TIGD6: variants seen among roughly 807,000 people sequenced by gnomAD.
TIGD6 encodes the protein tigger transposable element-derived protein 6.
A neutral mutation model predicts 2.6 loss-of-function variants in TIGD6; 1 was observed. The observed-to-expected ratio is 0.39, with a 90% confidence interval of 0.14 to 1.85. TIGD6 has a LOEUF of 1.85. TIGD6 is among the 40% of genes most tolerant of loss of function. The pLI, the probability that TIGD6 is intolerant of heterozygous loss-of-function variation, is 0.32. For synonymous variants in TIGD6, 193 were observed against 221.9 expected (o/e 0.87, Z 1.16); for missense variants, 601 against 634.2 (o/e 0.95, Z 0.56).
chr5:149,999,224 A>G (rs983522861), intron 1 of TIGD6, among the ~76,000 whole-genome samples: 4 of 152,172 alleles, frequency 2.6e-5, no homozygotes, highest in Non-Finnish European at 4.4e-5. Context: ...CAGATTTACA[A>G]TATAGTCTTT....
chr5:149,994,693 A>G lies in TIGD6; in HGVS notation c.*90T>C. On this transcript the variant is annotated 3_prime_UTR_variant, in exon 2 of 2. Transcript: ENST00000296736. ...TTTCAGAGTACTGGAATGTTGTCAC[A>G]ATAACATTGCTTTACTTAAATTGGC... The G allele has an allele frequency of 7.8e-7, 1 of 1,280,274 alleles. No individual in the cohort carries two copies. Among genetic ancestry groups the G allele is most frequent in the Non-Finnish European group, 1.1e-6 (1 of 951,404 alleles). The allele number at this position is 1,280,274 out of a possible 1,614,324, so 79.3% of individuals were successfully genotyped here.
At position 149,993,941 on chromosome 5, in the gene TIGD6, AACG is replaced by A. The variant is rs1755318210; in HGVS notation, c.*839_*841del. On this transcript the variant is annotated 3_prime_UTR_variant, in exon 2 of 2. Coordinates refer to ENST00000296736, the MANE Select transcript of TIGD6 (RefSeq NM_030953.4). ...TTAAAAACAAACAAACAAACAAACG[AACG>A]AACAAACAGAAGTCTTGTAGTGCTT... 1.6e-5 allele frequency: 2 copies of A among 123,368 alleles called. No homozygotes were observed. Among genetic ancestry groups the A allele is most frequent in the Admixed American group, 7.1e-5 (1 of 14,044 alleles). 7.6% of individuals were successfully genotyped at this position (123,368 alleles called of 1,614,324 possible). A position where few individuals can be genotyped will look rare whatever the true frequency, so the allele number is the denominator to read the frequency against.
chr5:149,995,518 G>A lies in TIGD6; in HGVS notation c.831C>T (p.Arg277=). ...AGTTGTCTATGAGCAAGAGGATCCG[G>A]CGTTCCGCCCTCTTCATCCTGGCAT... ...QVDARMKRAE[R]RILLLIDNCS... The change falls in exon 2 of 2, where the codon CGC becomes CGT. Residue 277 remains arginine, a synonymous_variant. Coordinates refer to ENST00000296736, the MANE Select transcript of TIGD6 (RefSeq NM_030953.4). 6.2e-7 allele frequency: 1 copy of A among 1,614,226 alleles called. No individual in the cohort carries two copies. Among genetic ancestry groups the A allele is most frequent in the Non-Finnish European group, 8.5e-7 (1 of 1,180,038 alleles).
rs568838752 is a variant in TIGD6 at position 149,997,909 on chromosome 5, T to C, written c.-81-1480A>G. 1.1e-3 allele frequency among the ~76,000 whole-genome samples: 171 copies of C among 151,366 alleles called. 3 individuals are homozygous for C. Among genetic ancestry groups the C allele is most frequent in the African/African-American group, 4.0e-3 (164 of 41,140 alleles). ...CCGGGAGGCGGAGCTTGCAGTGAGC[T>C]GAGATCGCGCCACTGCACTCCAGTC... On this transcript the variant is annotated intron_variant, in intron 1 of 1. Coordinates refer to ENST00000296736, the MANE Select transcript of TIGD6 (RefSeq NM_030953.4).
rs1174990621 is a variant in TIGD6 at position 149,993,825 on chromosome 5, G to C, written c.*958C>G. The C allele has an allele frequency of 6.6e-6, 1 of 152,290 alleles. No individual in the cohort carries two copies. Among genetic ancestry groups the C allele is most frequent in the African/African-American group, 2.4e-5 (1 of 41,460 alleles). The allele number at this position is 152,290 out of a possible 1,614,324, so 9.4% of individuals were successfully genotyped here. On this transcript the variant is annotated 3_prime_UTR_variant, in exon 2 of 2. Transcript: ENST00000296736. ...TCCCATCTATTTGGGAGGATGGCTT[G>C]AGGCCAGGAGTTAGAGAGAGTAGTG...
At position 149,994,983 on chromosome 5, in the gene TIGD6, C is replaced by T. The variant is rs746076991; in HGVS notation, c.1366G>A (p.Val456Ile). The change falls in exon 2 of 2, where the codon GTA becomes ATA. Residue 456 changes from valine (V) to isoleucine (I), a missense_variant. Physicochemically the swap from Val to Ile is conservative, Grantham distance 29 (BLOSUM62 3). Transcript: ENST00000296736. ...SEAGSEDEGE[V>I]SLPEQPKVTI... Reference sequence around the variant, plus strand: ...ACTTTTGGTTGCTCTGGTAAAGATACCTCCCCTTCATCTTCACTTCCTGCT... The same window carrying T: ...ACTTTTGGTTGCTCTGGTAAAGATATCTCCCCTTCATCTTCACTTCCTGCT... 6 of 1,613,456 alleles carry T rather than the reference C, an allele frequency of 3.7e-6. No individual in the cohort carries two copies. The African/African-American group carries it at 8.0e-5, about 22-fold the overall frequency.
chr5:149,997,398 C>T (rs548445416), intron 1 of TIGD6, among the ~76,000 whole-genome samples: 5 of 152,008 alleles, frequency 3.3e-5, no homozygotes, highest in East Asian at 2.0e-4. Flanking sequence ...ATTAGCCGGG[C>T]GTGGTGGCGG....
chr5:149,993,751 T>C lies in TIGD6; in HGVS notation c.*1032A>G, dbSNP rs1755314234. On this transcript the variant is annotated 3_prime_UTR_variant, in exon 2 of 2. Coordinates refer to ENST00000296736, the MANE Select transcript of TIGD6 (RefSeq NM_030953.4). ...GTACTCCAGATCCCTATTAGTGAAATGCCTATTAAAACATTTCGTAAGGCC... is the reference window on the plus strand; with the variant it reads ...GTACTCCAGATCCCTATTAGTGAAACGCCTATTAAAACATTTCGTAAGGCC... 6.6e-6 allele frequency: 1 copy of C among 152,202 alleles called. No individual in the cohort carries two copies. Among genetic ancestry groups the C allele is most frequent in the South Asian group, 2.1e-4 (1 of 4,828 alleles). The allele number at this position is 152,202 out of a possible 1,614,324, so 9.4% of individuals were successfully genotyped here.
At chr5:149,999,053 C>T (rs1257354920) in intron 1 of TIGD6, among the ~76,000 whole-genome samples, 1 of 152,128 alleles carries the variant, frequency 6.6e-6, no homozygotes, top group African/African-American at 2.4e-5. Context: ...CAATGAAATA[C>T]TATATAGGAA....
rs1331224449 is a variant in TIGD6 at position 149,994,322 on chromosome 5, G to A, written c.*461C>T. The A allele has an allele frequency of 6.6e-6, 1 of 152,614 alleles. No individual in the cohort carries two copies. Among genetic ancestry groups the A allele is most frequent in the African/African-American group, 2.4e-5 (1 of 41,440 alleles). The allele number at this position is 152,614 out of a possible 1,614,324, so 9.5% of individuals were successfully genotyped here. A position where few individuals can be genotyped will look rare whatever the true frequency, so the allele number is the denominator to read the frequency against. ...ATGTAAGCTAAATTTGGAAGCCCCT[G>A]AGATACACTTACTGGAAAGAAGCTG... On this transcript the variant is annotated 3_prime_UTR_variant, in exon 2 of 2. Coordinates refer to ENST00000296736, the MANE Select transcript of TIGD6 (RefSeq NM_030953.4).
chr5:149,998,923 T>C (rs1290650998), intron 1 of TIGD6, among the ~76,000 whole-genome samples: 2 of 152,132 alleles, frequency 1.3e-5, no homozygotes, highest in Non-Finnish European at 2.9e-5. Context: ...AATGTGCAGA[T>C]AATCAACTGG....
chr5:150,000,386 A>G (rs768226423), intron 1 of TIGD6, 88 bp downstream of exon 1: 3 of 153,112 alleles, frequency 2.0e-5, no homozygotes, highest in Non-Finnish European at 4.4e-5. Context: ...AGAGGGTGGT[A>G]TTGTAGGCTT....
In TIGD6 at chr5:149,997,558, A is replaced by G. The variant is rs1348955932; in HGVS notation, c.-81-1129T>C. Among the ~76,000 whole-genome samples, 6 of 151,078 alleles carry G rather than the reference A, an allele frequency of 4.0e-5. No individual in the cohort carries two copies. In the East Asian group the frequency reaches 1.2e-3, roughly 29 times the overall value. ...TGTCTCAAAAACAACAACAACAACA[A>G]AAAACAAAAAAAACACACACACCGA... On this transcript the variant is annotated intron_variant, in intron 1 of 1. Coordinates refer to ENST00000296736, the MANE Select transcript of TIGD6 (RefSeq NM_030953.4).
chr5:149,995,348 A>C lies in TIGD6; in HGVS notation c.1001T>G (p.Ile334Ser). Residue 334 changes from isoleucine to serine, a missense_variant, in exon 2 of 2, where the codon ATC (isoleucine) becomes AGC (serine). Coordinates refer to ENST00000296736, the MANE Select transcript of TIGD6 (RefSeq NM_030953.4). ...CTCACTGCTGTTGAGCTTGAGGAGG[A>C]TCTGTTTTAGAAGGTGGCTCTGGTA... ...VLYQSHLLKQILLKLNSSEDQ... is the reference protein window; with the variant it reads ...VLYQSHLLKQSLLKLNSSEDQ... 6.2e-7 allele frequency: 1 copy of C among 1,614,102 alleles called. No homozygotes were observed. The highest frequency in any genetic ancestry group is 8.5e-7 in the Non-Finnish European group (1 of 1,180,016).
At chr5:149,997,934 C>T (rs537564570) in intron 1 of TIGD6, among the ~76,000 whole-genome samples, 1 of 151,688 alleles carries the variant, frequency 6.6e-6, no homozygotes, top group Non-Finnish European at 1.5e-5. Context: ...GCACTCCAGT[C>T]TGAGTGACAG....
Position 149,998,115 on chromosome 5 carries a change from C to T in TIGD6, c.-81-1686G>A, listed in dbSNP as rs192193848. Among the ~76,000 whole-genome samples, 4 of 151,426 alleles carry T rather than the reference C, an allele frequency of 2.6e-5. No individual in the cohort carries two copies. The East Asian group carries it at 5.8e-4, about 22-fold the overall frequency. On this transcript the variant is annotated intron_variant, in intron 1 of 1. Transcript: ENST00000296736. ...ACTGCACTCCAGCCTGGCGACAGAG[C>T]GAGCCTCCATCTCAAACAAACAAAC...
rs1195080031 is a variant in TIGD6 at position 150,000,532 on chromosome 5, G to T, written c.-140C>A. ...CGGCCGGGGCGTCCCACCGCCGGCA[G>T]CCACAGCTTCCTCCTCCGCCCGGGA... On this transcript the variant is annotated 5_prime_UTR_variant, in exon 1 of 2. The change creates a new upstream start codon in the 5' untranslated region. Coordinates refer to ENST00000296736, the MANE Select transcript of TIGD6 (RefSeq NM_030953.4). The T allele has an allele frequency of 6.4e-6, 1 of 155,054 alleles. No individual in the cohort carries two copies. The highest frequency in any genetic ancestry group is 1.5e-5 in the Non-Finnish European group (1 of 68,838). The allele number at this position is 155,054 out of a possible 1,614,324, so 9.6% of individuals were successfully genotyped here.
chr5:149,996,609 G>T (rs561312245), intron 1 of TIGD6, among the ~76,000 whole-genome samples, 180 bp from the exon 2 acceptor site: 2 of 152,374 alleles, frequency 1.3e-5, no homozygotes, highest in Middle Eastern at 3.4e-3. Context: ...GTTTGAAACA[G>T]AAGTGATCTT....
chr5:149,997,538 C>G (rs1460033730), intron 1 of TIGD6, among the ~76,000 whole-genome samples: 1 of 150,900 alleles, frequency 6.6e-6, no homozygotes, highest in Non-Finnish European at 1.5e-5. Flanking sequence ...GACTCTGTCT[C>G]AAAAACAACA....
Sources: gnomAD v4.1 joint callset for allele counts (sites outside exome capture counted in the v4.1 genomes callset) on GRCh38, gnomAD v4.1.1 for gene constraint, MANE v1.5 for transcripts, NCBI Gene and HGNC (gene_info 2026-07-23, HGNC 2026-07-21) for gene names.